PDE4D: variants seen among roughly 807,000 people sequenced by gnomAD.
PDE4D encodes 3',5'-cyclic-AMP phosphodiesterase 4D.
Under a neutral mutation model 87.4 loss-of-function variants are expected in PDE4D, and 24 were observed. The observed-to-expected ratio is 0.27, with a 90% CI of 0.20 to 0.39. The LOEUF is 0.39. PDE4D is among the 10% of genes least tolerant of loss of function. The pLI, the probability that PDE4D is intolerant of heterozygous loss-of-function variation, is 1.00. For missense variants in PDE4D, 714 were observed against 1,041.0 expected (o/e 0.69, Z 4.32); for synonymous variants, 384 against 383.2 (o/e 1.00, Z -0.02).
intron 1 of PDE4D, among the ~76,000 whole-genome samples, chr5:60,226,639 G>A (rs550748634): frequency 6.6e-6 from 1 of 152,140 alleles, no homozygotes; most frequent in Non-Finnish European, 1.5e-5. Context: ...GTAGGCAAAA[G>A]CTAAAAGAAA....
chr5:58,975,878 C>CA lies in PDE4D; in HGVS notation c.1831-40_1831-39insT. ...ATGCATTCTCTATTCACTCCTGTTC[C>CA]TTTTTTTTAAAAAAAAAAACAAAAA... On this transcript the variant is annotated intron_variant, in intron 13 of 14. Coordinates refer to ENST00000340635, the MANE Select transcript of PDE4D (RefSeq NM_001104631.2). This position sits in a 1 kb window ranked among gnomAD's most constrained non-coding sequence, Gnocchi z 4.2. The CA allele has an allele frequency of 3.4e-6, 4 of 1,189,384 alleles. No homozygotes were observed. Among genetic ancestry groups the CA allele is most frequent in the Non-Finnish European group, 4.3e-6 (4 of 925,804 alleles). The allele number at this position is 1,189,384 out of a possible 1,614,324, so 73.7% of individuals were successfully genotyped here.
intron 5 of PDE4D, among the ~76,000 whole-genome samples, chr5:59,089,405 G>A (rs562081636): frequency 6.6e-6 from 1 of 152,212 alleles, no homozygotes; most frequent in South Asian, 2.1e-4. Context: ...TTTTATAGAT[G>A]TTCTTGCTCT....
At chr5:59,427,576 G>A (rs540291128) in intron 1 of PDE4D, among the ~76,000 whole-genome samples, 40 of 152,060 alleles carry the variant, frequency 2.6e-4, no homozygotes, top group Non-Finnish European at 1.8e-4. Flanking sequence ...GCTCATGCCT[G>A]TAATCCCAGC....
At chr5:58,976,199 G>A in intron 13 of PDE4D, 151 bp downstream of exon 13, 3 of 815,538 alleles carry the variant, frequency 3.7e-6, no homozygotes, top group Non-Finnish European at 5.5e-6. Context: ...TTAATTCTCA[G>A]GAATAAAAAT....
intron 2 of PDE4D, among the ~76,000 whole-genome samples, chr5:60,120,090 T>A (rs968365743): frequency 2.0e-5 from 3 of 152,224 alleles, no homozygotes; most frequent in Admixed American, 2.0e-4. Context: ...CATCTTCTTA[T>A]GGAAAAAAGC....
At chr5:59,753,926 G>C (rs917588872) in intron 1 of PDE4D, among the ~76,000 whole-genome samples, 1 of 152,170 alleles carries the variant, frequency 6.6e-6, no homozygotes, top group African/African-American at 2.4e-5. Context: ...TTAATTTATA[G>C]CTGGTCCAAC....
At chr5:59,016,903 A>G (rs1227419204) in intron 6 of PDE4D, among the ~76,000 whole-genome samples, 1 of 152,196 alleles carries the variant, frequency 6.6e-6, no homozygotes, top group Non-Finnish European at 1.5e-5. Context: ...ATAAACAAGC[A>G]GACAAAAAAA....
chr5:59,172,050 T>A (rs866720777), intron 5 of PDE4D, among the ~76,000 whole-genome samples: 742 of 3,046 alleles, frequency 0.24, 91 homozygotes, highest in African/African-American at 0.48. Flanking sequence ...ATATATAATA[T>A]ATATATATTA....
chr5:60,521,816 G>C (rs1468078124), intron 1 of PDE4D: 3 of 152,052 alleles, frequency 2.0e-5, no homozygotes, highest in African/African-American at 7.2e-5. Context: ...CTTAGGAACT[G>C]TCAAAGGGAG....
At chr5:59,015,061 G>T (rs1169893752) in intron 6 of PDE4D, among the ~76,000 whole-genome samples, 1 of 152,146 alleles carries the variant, frequency 6.6e-6, no homozygotes, top group Non-Finnish European at 1.5e-5. Context: ...GGGAAAACTG[G>T]CTAGCCATAT....
intron 1 of PDE4D, among the ~76,000 whole-genome samples, chr5:59,609,867 C>T (rs998836230): frequency 2.6e-5 from 4 of 152,152 alleles, no homozygotes; most frequent in African/African-American, 9.7e-5. Context: ...CATATGAACT[C>T]TCCTAATCAT....
At chr5:59,207,670 C>A (rs554093961) in intron 2 of PDE4D, among the ~76,000 whole-genome samples, 1 of 151,922 alleles carries the variant, frequency 6.6e-6, no homozygotes, top group South Asian at 2.1e-4. Flanking sequence ...GGAATAATTG[C>A]TCTTGTTATT....
chr5:59,865,508 T>C (rs1561786710), intron 1 of PDE4D, among the ~76,000 whole-genome samples: 1 of 152,194 alleles, frequency 6.6e-6, no homozygotes, highest in African/African-American at 2.4e-5. Flanking sequence ...AAGAGAAATG[T>C]GTAGCCTAGG....
intron 1 of PDE4D, chr5:60,262,329 C>A (rs902780351): frequency 6.6e-6 from 1 of 152,086 alleles, no homozygotes; most frequent in Admixed American, 6.6e-5. Flanking sequence ...AAAACATGAG[C>A]AAAACACAGC....
At chr5:60,325,926 C>G (rs955129315) in intron 1 of PDE4D, among the ~76,000 whole-genome samples, 2 of 152,010 alleles carry the variant, frequency 1.3e-5, no homozygotes, top group African/African-American at 4.8e-5. Context: ...GTATGCAACC[C>G]TTGGGGATTG....
At chr5:59,454,647 A>T (rs1799650317) in intron 1 of PDE4D, among the ~76,000 whole-genome samples, 1 of 152,182 alleles carries the variant, frequency 6.6e-6, no homozygotes, top group Admixed American at 6.5e-5. Flanking sequence ...GAAAGTGTGG[A>T]AGTGACTTTG....
intron 1 of PDE4D, among the ~76,000 whole-genome samples, chr5:59,787,734 G>A (rs1362675140): frequency 6.6e-6 from 1 of 152,146 alleles, no homozygotes; most frequent in Non-Finnish European, 1.5e-5. Context: ...TTAATATTCA[G>A]TGACATTTAA....
chr5:60,153,911 G>A (rs1288699891), intron 2 of PDE4D, among the ~76,000 whole-genome samples: 2 of 152,160 alleles, frequency 1.3e-5, no homozygotes, highest in African/African-American at 2.4e-5. Context: ...AGTTATGTAA[G>A]ACGAATAAGT....
At chr5:60,447,567 A>C (rs1446940111) in intron 1 of PDE4D, among the ~76,000 whole-genome samples, 1 of 152,184 alleles carries the variant, frequency 6.6e-6, no homozygotes, top group Non-Finnish European at 1.5e-5. Context: ...AAGAAAACAA[A>C]TACCCACACA....
Sources: allele counts gnomAD v4.1 joint callset (sites outside exome capture counted in the v4.1 genomes callset), GRCh38; gene constraint gnomAD v4.1.1; non-coding constraint Gnocchi (gnomAD v3.1); transcripts MANE v1.5; gene names NCBI Gene and HGNC (gene_info 2026-07-23, HGNC 2026-07-21).